CASP8: variants seen among roughly 807,000 people sequenced by gnomAD.
CASP8 encodes the protein caspase-8.
A neutral mutation model predicts 46.3 loss-of-function variants in CASP8; 24 were observed. The observed-to-expected ratio is 0.52, with a 90% confidence interval of 0.38 to 0.73. The LOEUF (loss-of-function observed/expected upper bound fraction) is 0.73, where lower values mean the gene tolerates loss of function less well. Among genes scored for constraint, CASP8 ranks in the 30% least tolerant of loss-of-function variants. The probability of loss-of-function intolerance (pLI) is 0.00; values close to 1 mark genes in which losing one functional copy is unlikely to be tolerated. For missense variants in CASP8, 460 were observed against 559.0 expected (o/e 0.82, Z 1.79); for synonymous variants, 188 against 200.4 (o/e 0.94, Z 0.52).
chr2:201,264,433 A>C (rs2125123675), intron 1 of CASP8, among the ~76,000 whole-genome samples: 1 of 150,640 alleles, frequency 6.6e-6, no homozygotes, highest in Admixed American at 6.6e-5. Flanking sequence ...GGGTCTTGCT[A>C]CCTGGGGTCT....
chr2:201,250,992 G>A (rs576559766), intron 2 of CASP8, among the ~76,000 whole-genome samples: 109 of 152,308 alleles, frequency 7.2e-4, no homozygotes, highest in Non-Finnish European at 1.2e-3. Flanking sequence ...ATGTCACATA[G>A]TTGGAATCAT....
intron 1 of CASP8, chr2:201,262,042 A>G (rs914232520): frequency 6.6e-6 from 1 of 152,136 alleles, no homozygotes; most frequent in Non-Finnish European, 1.5e-5. Context: ...CTTTGTTATT[A>G]TAAAATTTTT....
At chr2:201,281,718 C>A in intron 7 of CASP8, 1 of 507,784 alleles carries the variant, frequency 2.0e-6, no homozygotes, top group Non-Finnish European at 3.4e-6. Context: ...ATAATATAAT[C>A]ATTTTTAAAA....
chr2:201,245,916 G>A (rs1363154459), intron 2 of CASP8, among the ~76,000 whole-genome samples: 4 of 138,024 alleles, frequency 2.9e-5, no homozygotes, highest in African/African-American at 8.8e-5. Flanking sequence ...TGCCCAGACT[G>A]GAGTGCAATG....
rs149071977 is a variant in CASP8, at chr2:201,263,978, C to T, written c.-26-2483C>T. Reference sequence around the variant, plus strand: ...CACCCATCAGCCTTCTCACACTGCACGCCCACATCTGTGTGTAATTCTGCT... The same window carrying T: ...CACCCATCAGCCTTCTCACACTGCATGCCCACATCTGTGTGTAATTCTGCT... On this transcript the variant is annotated intron_variant, in intron 1 of 8. Coordinates refer to ENST00000673742, the MANE Select transcript of CASP8 (RefSeq NM_001372051.1). Among the ~76,000 whole-genome samples, 597 of 152,350 alleles carry T rather than the reference C, an allele frequency of 3.9e-3. 1 individual carries two copies. Among genetic ancestry groups the T allele is most frequent in the African/African-American group, 0.014 (583 of 41,586 alleles).
At chr2:201,248,871 C>G (rs1471215089) in intron 2 of CASP8, among the ~76,000 whole-genome samples, 4 of 152,118 alleles carry the variant, frequency 2.6e-5, no homozygotes, top group Admixed American at 2.0e-4. Flanking sequence ...AAGACATTCT[C>G]TTAGGATTTC....
intron 2 of CASP8, among the ~76,000 whole-genome samples, chr2:201,245,890 G>A (rs551735262): frequency 6.7e-5 from 9 of 134,738 alleles, no homozygotes; most frequent in South Asian, 2.2e-4. Flanking sequence ...TTTTTGAGAC[G>A]GAGTTTCGCT....
intron 7 of CASP8, among the ~76,000 whole-genome samples, chr2:201,279,841 T>C (rs1461913700): frequency 6.6e-6 from 1 of 152,122 alleles, no homozygotes; most frequent in East Asian, 1.9e-4. Flanking sequence ...TAACCCCAGC[T>C]ACTACAGAGG....
intron 2 of CASP8, among the ~76,000 whole-genome samples, chr2:201,252,106 T>A (rs1345508465): frequency 6.6e-6 from 1 of 152,228 alleles, no homozygotes; most frequent in Non-Finnish European, 1.5e-5. Context: ...AATTCCCTAA[T>A]GACATATGAT....
At chr2:201,278,349 G>A (rs1301114375) in intron 7 of CASP8, among the ~76,000 whole-genome samples, 1 of 152,052 alleles carries the variant, frequency 6.6e-6, no homozygotes, top group Non-Finnish European at 1.5e-5. Context: ...ACTCCCTTCT[G>A]TCCTGCTTCA....
chr2:201,259,683 T>G (rs766695115), upstream of CASP8, among the ~76,000 whole-genome samples: 4 of 152,184 alleles, frequency 2.6e-5, no homozygotes, highest in African/African-American at 4.8e-5. Flanking sequence ...CATCTAACTC[T>G]CAGTATGAAG....
intron 7 of CASP8, chr2:201,281,933 C>CTTTTTTTTTTTTTTTTT (rs540286536): frequency 9.2e-5 from 24 of 262,200 alleles, no homozygotes; most frequent in East Asian, 6.0e-4. Flanking sequence ...GGTTCAAATT[C>CTTTTTTTTTTTTTTTTT]TTTTTTTTTT....
intron 2 of CASP8, among the ~76,000 whole-genome samples, chr2:201,251,554 C>A (rs1946779023): frequency 7.1e-6 from 1 of 141,578 alleles, no homozygotes. Flanking sequence ...AAGATGGCGC[C>A]ACTGCACTCC....
intron 2 of CASP8, among the ~76,000 whole-genome samples, chr2:201,239,807 G>A (rs946288209): frequency 2.0e-5 from 3 of 152,272 alleles, no homozygotes; most frequent in African/African-American, 7.2e-5. Context: ...ACACTGCACC[G>A]TAATTATGAA....
intron 2 of CASP8, among the ~76,000 whole-genome samples, chr2:201,268,286 C>T (rs1486521928): frequency 6.6e-6 from 1 of 152,220 alleles, no homozygotes; most frequent in Non-Finnish European, 1.5e-5. Flanking sequence ...TGAGGTGGCT[C>T]ACGCCTGTAA....
chr2:201,277,129 T>G (rs968883790), intron 7 of CASP8, 161 bp downstream of exon 7: 1 of 571,796 alleles, frequency 1.7e-6, no homozygotes, highest in Non-Finnish European at 3.1e-6. Context: ...TATACATTTA[T>G]CAGTTTCCTG....
chr2:201,246,307 C>T (rs1946519391), intron 2 of CASP8, among the ~76,000 whole-genome samples: 1 of 152,146 alleles, frequency 6.6e-6, no homozygotes, highest in Non-Finnish European at 1.5e-5. Flanking sequence ...CGCCAGTCTG[C>T]CTCTACTTTC....
In CASP8 at chr2:201,274,781, T is replaced by C. The variant is rs914978165; in HGVS notation, c.596-108T>C. 2.6e-5 allele frequency: 24 copies of C among 918,800 alleles called. No individual in the cohort carries two copies. The African/African-American group carries it at 3.6e-4, about 14-fold the overall frequency. The allele number at this position is 918,800 out of a possible 1,614,324, so 56.9% of individuals were successfully genotyped here. The stretch of plus-strand genomic sequence containing the variant: ...CGTGAGCCCCTGTTCCCAGCTTGAA[T>C]TTTCATCTTAAAAAAGACCTTATGT... On this transcript the variant is annotated intron_variant, in intron 5 of 8. Coordinates refer to ENST00000673742, the MANE Select transcript of CASP8 (RefSeq NM_001372051.1).
intron 2 of CASP8, among the ~76,000 whole-genome samples, chr2:201,249,369 T>A (rs982276928): frequency 2.0e-5 from 3 of 152,174 alleles, no homozygotes; most frequent in Non-Finnish European, 2.9e-5. Flanking sequence ...ATGTATCAAG[T>A]GAGAATAGAG....
Sources: allele counts gnomAD v4.1 joint callset (sites outside exome capture counted in the v4.1 genomes callset), GRCh38; gene constraint gnomAD v4.1.1; transcripts MANE v1.5; gene names NCBI Gene and HGNC (gene_info 2026-07-23, HGNC 2026-07-21).